BTBD7: variants seen among roughly 807,000 people sequenced by gnomAD.
The protein encoded by BTBD7 is BTB domain containing 7.
BTBD7 carries 38 observed loss-of-function variants against 99.9 expected under a neutral mutation model. The ratio of observed to expected loss-of-function variants is 0.38; its 90% CI spans 0.29 to 0.50. BTBD7 has a LOEUF of 0.50. Among genes scored for constraint, BTBD7 ranks in the 20% least tolerant of loss-of-function variants. The probability of loss-of-function intolerance (pLI) is 0.93; values close to 1 mark genes in which losing one functional copy is unlikely to be tolerated. For synonymous variants in BTBD7, 520 were observed against 511.4 expected, an observed-to-expected ratio of 1.02 and a Z score of -0.23; for missense variants, 1,170 against 1,394.6, an observed-to-expected ratio of 0.84 and a Z score of 2.57.
Position 93,246,268 on chromosome 14 carries a change from G to T in BTBD7, c.2140C>A (p.Pro714Thr), listed in dbSNP as rs767557574. 5.4e-6 allele frequency: 8 copies of T among 1,485,880 alleles called. No individual in the cohort carries two copies. The highest frequency in any genetic ancestry group is 7.2e-6 in the Non-Finnish European group (8 of 1,117,324). The allele number at this position is 1,485,880 out of a possible 1,614,324, so 92.0% of individuals were successfully genotyped here. ...CTTTCATCCCCAAAACGTTCATCAG[G>T]AAAGAATTTGTGAGGATTCTAAAAA... ...ELLQNPHKFFPDERFGDESPL... is the reference protein window; with the variant it reads ...ELLQNPHKFFTDERFGDESPL... The change falls in exon 10 of 11, where the codon CCT (proline) becomes ACT (threonine). Residue 714 changes from proline to threonine, a missense_variant. Coordinates refer to ENST00000334746, the MANE Select transcript of BTBD7 (RefSeq NM_001002860.4).
intron 1 of BTBD7, among the ~76,000 whole-genome samples, chr14:93,315,196 A>G: frequency 6.6e-6 from 1 of 152,196 alleles, no homozygotes; most frequent in Non-Finnish European, 1.5e-5. Flanking sequence ...TCTCCAAATT[A>G]GAGTATGTGG....
rs1431871191 is a variant in BTBD7 at position 93,238,956 on chromosome 14, G to C, written c.*3317C>G. ...TAAGGCTTCATAAAGAATTCTATAA[G>C]AAGATTTAAATGTCAAGAATTCACT... On this transcript the variant is annotated 3_prime_UTR_variant, in exon 11 of 11. Coordinates refer to ENST00000334746, the MANE Select transcript of BTBD7 (RefSeq NM_001002860.4). The C allele has an allele frequency of 3.9e-5, 6 of 152,200 alleles. No homozygotes were observed. The highest frequency in any genetic ancestry group is 1.4e-4 in the African/African-American group (6 of 41,446). The allele number at this position is 152,200 out of a possible 1,614,324, so 9.4% of individuals were successfully genotyped here. A position where few individuals can be genotyped will look rare whatever the true frequency, so the allele number is the denominator to read the frequency against.
chr14:93,247,694 A>T (rs556310623), intron 9 of BTBD7, among the ~76,000 whole-genome samples: 2 of 152,364 alleles, frequency 1.3e-5, no homozygotes, highest in South Asian at 4.1e-4. Context: ...TGGAGTTTGT[A>T]GCAAGAAAAT....
chr14:93,289,728 C>T (rs901904667), intron 3 of BTBD7, among the ~76,000 whole-genome samples: 5 of 152,064 alleles, frequency 3.3e-5, no homozygotes, highest in African/African-American at 1.2e-4. Flanking sequence ...GAAGTTAAAT[C>T]TGGTCCTAAA....
At chr14:93,244,172 T>C in intron 10 of BTBD7, 1 of 440,284 alleles carries the variant, frequency 2.3e-6, no homozygotes, top group Non-Finnish European at 4.4e-6. Context: ...AGGCTGATTT[T>C]CCCGAAAAAG....
intron 5 of BTBD7, among the ~76,000 whole-genome samples, chr14:93,260,148 G>A (rs2052471857): frequency 6.6e-6 from 1 of 152,134 alleles, no homozygotes; most frequent in Non-Finnish European, 1.5e-5. Context: ...AGGCTTAAAG[G>A]CAGGTTTAGC....
intron 1 of BTBD7, among the ~76,000 whole-genome samples, chr14:93,326,819 CA>C (rs2053340099): frequency 2.0e-5 from 3 of 149,808 alleles, no homozygotes; most frequent in African/African-American, 7.4e-5. Flanking sequence ...AAAAAAAAGT[CA>C]AAAGAAAAAC....
chr14:93,259,252 A>G (rs1030719207), intron 5 of BTBD7, among the ~76,000 whole-genome samples: 2 of 152,256 alleles, frequency 1.3e-5, no homozygotes, highest in Non-Finnish European at 2.9e-5. Flanking sequence ...CTCACAACCA[A>G]CAGCACTGTA....
rs1487129709 is a variant in BTBD7, at chr14:93,239,664, G to A, written c.*2609C>T. 1 of 152,350 alleles carries A rather than the reference G, an allele frequency of 6.6e-6. No individual in the cohort carries two copies. Among genetic ancestry groups the A allele is most frequent in the African/African-American group, 2.4e-5 (1 of 41,362 alleles). 9.4% of individuals were successfully genotyped at this position (152,350 alleles called of 1,614,324 possible). ...CTGTTTACCTTCTGCAAGTCGCATC[G>A]GTCCGCAATCCCACAGATTAAAGCA... On this transcript the variant is annotated 3_prime_UTR_variant, in exon 11 of 11. Coordinates refer to ENST00000334746, the MANE Select transcript of BTBD7 (RefSeq NM_001002860.4).
chr14:93,321,444 T>C (rs1447907897), intron 1 of BTBD7, among the ~76,000 whole-genome samples: 1 of 152,056 alleles, frequency 6.6e-6, no homozygotes, highest in Non-Finnish European at 1.5e-5. Flanking sequence ...AATACAAAAA[T>C]TAGCTGGACG....
intron 1 of BTBD7, among the ~76,000 whole-genome samples, chr14:93,332,144 T>C (rs2053437646): frequency 1.3e-5 from 2 of 152,162 alleles, no homozygotes; most frequent in South Asian, 4.1e-4. Context: ...GGGGTAAAGC[T>C]AGCAAACACT....
chr14:93,290,987 GTT>G (rs34246296), intron 3 of BTBD7, among the ~76,000 whole-genome samples: 9 of 76,774 alleles, frequency 1.2e-4, no homozygotes, highest in Non-Finnish European at 2.2e-4. Context: ...GCTAGGCCTA[GTT>G]TTTTTTTTTT....
rs147359556 is a variant in BTBD7 at position 93,299,304 on chromosome 14, C to T, written c.-106-3147G>A. On this transcript the variant is annotated intron_variant, in intron 1 of 10. Coordinates refer to ENST00000334746, the MANE Select transcript of BTBD7 (RefSeq NM_001002860.4). ...AACCAAAATCCTATGTCAGATGGTG[C>T]TCAGTATTATGTTATTTATTTCTGA... Among the ~76,000 whole-genome samples the T allele has an allele frequency of 5.2e-4, 79 of 152,314 alleles. 2 individuals carry two copies. Among genetic ancestry groups the T allele is most frequent in the Admixed American group, 2.7e-3 (42 of 15,300 alleles).
chr14:93,307,643 C>T (rs1392159888), intron 1 of BTBD7, among the ~76,000 whole-genome samples: 1 of 152,184 alleles, frequency 6.6e-6, no homozygotes, highest in Non-Finnish European at 1.5e-5. Context: ...TTCATACTCT[C>T]ATTTTTACTG....
intron 1 of BTBD7, among the ~76,000 whole-genome samples, chr14:93,311,752 T>TC (rs907951864): frequency 1.3e-5 from 2 of 151,822 alleles, no homozygotes; most frequent in Non-Finnish European, 2.9e-5. Context: ...TTAATTTTTT[T>TC]TTTTTTTTAC....
chr14:93,311,140 GAATT>G (rs928325617), intron 1 of BTBD7, among the ~76,000 whole-genome samples: 5 of 152,128 alleles, frequency 3.3e-5, no homozygotes, highest in Admixed American at 3.3e-4. Context: ...AAAAAGTTAT[GAATT>G]AATAGACTTA....
chr14:93,268,906 C>T (rs552062053), intron 3 of BTBD7, among the ~76,000 whole-genome samples: 1 of 152,066 alleles, frequency 6.6e-6, no homozygotes, highest in African/African-American at 2.4e-5. Flanking sequence ...TTACAGGCAC[C>T]CACCATCATG....
chr14:93,270,490 C>T (rs140599086), intron 3 of BTBD7, among the ~76,000 whole-genome samples: 2,671 of 151,792 alleles, frequency 0.018, 82 homozygotes, highest in African/African-American at 0.062. Context: ...GTCAGGAGTT[C>T]GAGACAAGCC....
chr14:93,282,067 T>C (rs929880090), intron 3 of BTBD7, among the ~76,000 whole-genome samples: 3 of 152,148 alleles, frequency 2.0e-5, no homozygotes, highest in Non-Finnish European at 4.4e-5. Context: ...CTTGGAGAGG[T>C]AGCAACTTAG....
Sources: allele counts gnomAD v4.1 joint callset (sites outside exome capture counted in the v4.1 genomes callset), GRCh38; gene constraint gnomAD v4.1.1; transcripts MANE v1.5; gene names NCBI Gene and HGNC (gene_info 2026-07-23, HGNC 2026-07-21).